Variants in ARHGAP15 observed in about 807,000 individuals in gnomAD.
ARHGAP15 encodes the protein Rho GTPase activating protein 15.
Under a neutral mutation model 63.7 loss-of-function variants are expected in ARHGAP15, and 51 were observed. That is an observed-to-expected ratio of 0.80 (90% CI 0.64 to 1.01). The LOEUF (loss-of-function observed/expected upper bound fraction) is 1.01, where lower values mean the gene tolerates loss of function less well. Among genes scored for constraint, ARHGAP15 ranks in the 50% least tolerant of loss-of-function variants. ARHGAP15 has a pLI of 0.00. For missense variants in ARHGAP15, 560 were observed against 564.6 expected (o/e 0.99, Z 0.08); for synonymous variants, 191 against 193.8 (o/e 0.99, Z 0.12).
intron 8 of ARHGAP15, among the ~76,000 whole-genome samples, chr2:143,461,698 C>T (rs920900416): frequency 2.6e-4 from 39 of 152,160 alleles, no homozygotes; most frequent in African/African-American, 9.4e-4. Context: ...TCATTATGAC[C>T]AAGGATATCC....
chr2:143,195,229 G>T (rs1372576514), intron 2 of ARHGAP15, among the ~76,000 whole-genome samples: 1 of 151,742 alleles, frequency 6.6e-6, no homozygotes, highest in African/African-American at 2.4e-5. Flanking sequence ...AAAAAAAAAA[G>T]AGAGAATATT....
At chr2:143,225,068 C>T (rs890963415) in intron 4 of ARHGAP15, among the ~76,000 whole-genome samples, 2 of 152,168 alleles carry the variant, frequency 1.3e-5, no homozygotes, top group South Asian at 2.1e-4. Context: ...CACCGGTGTG[C>T]GTCCAGGGCC....
At chr2:143,508,701 G>C (rs540645046) in intron 9 of ARHGAP15, among the ~76,000 whole-genome samples, 1 of 137,344 alleles carries the variant, frequency 7.3e-6, no homozygotes, top group Non-Finnish European at 1.6e-5. Context: ...CTTGCCTTGA[G>C]TAGACAAATA....
At chr2:143,759,028 G>C (rs1686673113) in intron 13 of ARHGAP15, among the ~76,000 whole-genome samples, 1 of 152,076 alleles carries the variant, frequency 6.6e-6, no homozygotes, top group Non-Finnish European at 1.5e-5. Context: ...TGCCATTTGG[G>C]GCTAGATAAT....
At chr2:143,477,760 G>A (rs1305916511) in intron 8 of ARHGAP15, among the ~76,000 whole-genome samples, 1 of 152,156 alleles carries the variant, frequency 6.6e-6, no homozygotes, top group Middle Eastern at 3.2e-3. Context: ...ATTAGCAATT[G>A]GAAGGAAGCA....
chr2:143,564,995 G>A (rs900201783), intron 11 of ARHGAP15, among the ~76,000 whole-genome samples: 1 of 152,174 alleles, frequency 6.6e-6, no homozygotes, highest in Non-Finnish European at 1.5e-5. Flanking sequence ...GGTACACAAA[G>A]TTAGAGGAAT....
intron 13 of ARHGAP15, among the ~76,000 whole-genome samples, chr2:143,722,604 C>G (rs1042236595): frequency 1.3e-5 from 2 of 152,090 alleles, no homozygotes; most frequent in African/African-American, 2.4e-5. Context: ...AGGAAGGGAA[C>G]AAAACACTTA....
At chr2:143,547,448 C>T (rs1438097370) in intron 10 of ARHGAP15, among the ~76,000 whole-genome samples, 1 of 151,922 alleles carries the variant, frequency 6.6e-6, no homozygotes, top group East Asian at 1.9e-4. Context: ...AGGCTATATA[C>T]ACAAACAAGC....
intron 6 of ARHGAP15, among the ~76,000 whole-genome samples, chr2:143,292,799 G>A (rs769340346): frequency 6.6e-6 from 1 of 151,676 alleles, no homozygotes; most frequent in Non-Finnish European, 1.5e-5. Context: ...TCTTATAATA[G>A]GAATTTTACA....
intron 6 of ARHGAP15, among the ~76,000 whole-genome samples, chr2:143,348,237 CGT>C (rs1685387367): frequency 6.6e-6 from 1 of 152,074 alleles, no homozygotes; most frequent in African/African-American, 2.4e-5. Context: ...ACAATTACTG[CGT>C]GTGTGTTTAA....
At chr2:143,731,375 C>T (rs912954285) in intron 13 of ARHGAP15, among the ~76,000 whole-genome samples, 3 of 152,104 alleles carry the variant, frequency 2.0e-5, no homozygotes, top group Admixed American at 6.5e-5. Flanking sequence ...GCTTCATTTT[C>T]TTAGCTCTGC....
At chr2:143,739,138 T>G (rs13001389) in intron 13 of ARHGAP15, among the ~76,000 whole-genome samples, 42,858 of 151,904 alleles carry the variant, frequency 0.28, 7,403 homozygotes, top group Middle Eastern at 0.41. Flanking sequence ...GCATGCACAC[T>G]CCATCTTGGA....
intron 13 of ARHGAP15, among the ~76,000 whole-genome samples, chr2:143,704,602 G>A (rs1320617012): frequency 6.6e-6 from 1 of 152,202 alleles, no homozygotes; most frequent in Non-Finnish European, 1.5e-5. Flanking sequence ...AGTCTGAAAT[G>A]ACTGTTACTC....
intron 12 of ARHGAP15, among the ~76,000 whole-genome samples, chr2:143,648,074 A>T (rs759283493): frequency 9.2e-5 from 14 of 151,934 alleles, no homozygotes; most frequent in Non-Finnish European, 1.8e-4. Context: ...AATAAACTCA[A>T]TGGGAGTCCT....
At chr2:143,138,761 A>G (rs1689246004) in intron 1 of ARHGAP15, among the ~76,000 whole-genome samples, 1 of 152,150 alleles carries the variant, frequency 6.6e-6, no homozygotes, top group African/African-American at 2.4e-5. Context: ...AAGGGCTAGT[A>G]TGAATTAAGT....
intron 6 of ARHGAP15, among the ~76,000 whole-genome samples, chr2:143,398,532 A>T (rs1687866279): frequency 6.6e-6 from 1 of 152,102 alleles, no homozygotes; most frequent in African/African-American, 2.4e-5. Flanking sequence ...ACCAACTCTG[A>T]TCATCACCCA....
intron 8 of ARHGAP15, among the ~76,000 whole-genome samples, chr2:143,442,737 T>C (rs1689944281): frequency 6.6e-6 from 1 of 152,296 alleles, no homozygotes; most frequent in East Asian, 1.9e-4. Context: ...AGGCAAGTGA[T>C]CATGATCCTA....
At chr2:143,653,925 A>T (rs1357268334) in intron 12 of ARHGAP15, among the ~76,000 whole-genome samples, 1 of 152,214 alleles carries the variant, frequency 6.6e-6, no homozygotes, top group Non-Finnish European at 1.5e-5. Context: ...TCTACTATTA[A>T]GTTTTTATCC....
chr2:143,510,317 G>A (rs962962196), intron 9 of ARHGAP15, among the ~76,000 whole-genome samples: 2 of 152,074 alleles, frequency 1.3e-5, no homozygotes, highest in African/African-American at 2.4e-5. Context: ...AACTACGAGG[G>A]CTGTATTTTC....
Sources: gnomAD v4.1 joint callset for allele counts (sites outside exome capture counted in the v4.1 genomes callset) on GRCh38, gnomAD v4.1.1 for gene constraint, MANE v1.5 for transcripts, NCBI Gene and HGNC (gene_info 2026-07-23, HGNC 2026-07-21) for gene names.